The following COL5A2 variants were observed in gnomAD, a reference collection of about 807,000 sequenced individuals.
COL5A2 encodes collagen type V alpha 2 chain.
A neutral mutation model predicts 208.2 loss-of-function variants in COL5A2; 23 were observed. That is an observed-to-expected ratio of 0.11 (90% CI 0.08 to 0.16). The LOEUF is 0.16. Ranked by LOEUF, COL5A2 falls within the 10% of genes least tolerant of loss-of-function variation. The pLI is 1.00. For synonymous variants in COL5A2, 625 were observed against 628.5 expected, an observed-to-expected ratio of 0.99 and a Z score of 0.08; for missense variants, 1,590 against 1,956.4, an observed-to-expected ratio of 0.81 and a Z score of 3.53.
the COL5A2 span, among the ~76,000 whole-genome samples, chr2:189,304,992 C>T: frequency 6.6e-6 from 1 of 151,602 alleles, no homozygotes; most frequent in Non-Finnish European, 1.5e-5. Flanking sequence ...TTATGAGGCT[C>T]ATAAAAAAGA....
the COL5A2 span, among the ~76,000 whole-genome samples, chr2:189,304,664 T>C: frequency 9.2e-5 from 14 of 152,162 alleles, no homozygotes; most frequent in Non-Finnish European, 1.9e-4. Flanking sequence ...CTCAAATACC[T>C]TCCACTAGGC....
At chr2:189,086,801 A>G (rs769863272) in intron 8 of COL5A2, 31 bp from the exon 9 acceptor site, 1 of 1,553,306 alleles carries the variant, frequency 6.4e-7, no homozygotes, top group Non-Finnish European at 8.8e-7. Flanking sequence ...AACGTTGCAA[A>G]GTACTCATGA....
intron 1 of COL5A2, among the ~76,000 whole-genome samples, chr2:189,141,608 T>A (rs1033142727): frequency 6.6e-6 from 1 of 152,194 alleles, no homozygotes; most frequent in Admixed American, 6.6e-5. Context: ...GTCACATGGG[T>A]CACGTAGTTA....
chr2:189,405,000 A>G, the COL5A2 span, among the ~76,000 whole-genome samples: 1 of 152,160 alleles, frequency 6.6e-6, no homozygotes, highest in East Asian at 1.9e-4. Flanking sequence ...CATATGCCTC[A>G]ATTTCCTCAC....
intron 35 of COL5A2, among the ~76,000 whole-genome samples, chr2:189,055,077 G>A (rs946061052): frequency 6.6e-6 from 1 of 151,950 alleles, no homozygotes; most frequent in Non-Finnish European, 1.5e-5. Context: ...TAGTAGAGAC[G>A]GGGTTTCACC....
At chr2:189,110,151 C>T (rs1687230747) in intron 2 of COL5A2, 74 bp downstream of exon 2, 3 of 1,131,786 alleles carry the variant, frequency 2.7e-6, no homozygotes, top group Middle Eastern at 2.8e-4. Flanking sequence ...TTGCTGAATG[C>T]TGAAAGTGAA....
chr2:189,097,087 G>C (rs1686933925), intron 6 of COL5A2, among the ~76,000 whole-genome samples, 190 bp downstream of exon 6: 1 of 152,108 alleles, frequency 6.6e-6, no homozygotes, highest in Admixed American at 6.6e-5. Context: ...ATTTTGATTT[G>C]ACCTCATAAG....
rs1316675116 is a variant in COL5A2 at position 189,086,781 on chromosome 2, A to G, written c.646-11T>C. The G allele has an allele frequency of 1.3e-6, 2 of 1,575,170 alleles. No homozygotes were observed. Among genetic ancestry groups the G allele is most frequent in the East Asian group, 4.5e-5 (2 of 44,086 alleles). ...TGGGCCAACAGGACCCTTAAAAACA[A>G]ATGAGGAGAAACGTTGCAAAGTACT... On this transcript the variant is annotated splice_polypyrimidine_tract_variant and intron_variant, in intron 8 of 53. Transcript: ENST00000374866.
rs1384657905 is a variant in COL5A2, at chr2:189,054,154, C to T, written c.2445+5G>A. 1 of 1,613,630 alleles carries T rather than the reference C, an allele frequency of 6.2e-7. No individual in the cohort carries two copies. Among genetic ancestry groups the T allele is most frequent in the South Asian group, 1.1e-5 (1 of 91,078 alleles). On this transcript the variant is annotated splice_donor_5th_base_variant and intron_variant, in intron 36 of 53. Transcript: ENST00000374866. ...GAGTGTACAAATTAACAACTTGTGA[C>T]TTACCTTTTCTCCAGTAGGACCTGC... is the stretch of plus-strand genomic sequence containing the variant.
chr2:189,263,278 C>T, the COL5A2 span, among the ~76,000 whole-genome samples: 74 of 152,226 alleles, frequency 4.9e-4, no homozygotes, highest in African/African-American at 1.7e-3. Context: ...GATAGCTGGG[C>T]AACTTTAAAC....
chr2:189,132,757 C>A (rs569883523), intron 1 of COL5A2, among the ~76,000 whole-genome samples: 1 of 151,960 alleles, frequency 6.6e-6, no homozygotes, highest in African/African-American at 2.4e-5. Flanking sequence ...CCCGTCTCTA[C>A]TAAAAATACA....
upstream of COL5A2, among the ~76,000 whole-genome samples, chr2:189,227,199 GA>G (rs924564886): frequency 2.6e-5 from 4 of 151,890 alleles, no homozygotes. Flanking sequence ...CAAATGGGGG[GA>G]AAAATGGCCC....
At chr2:189,039,088 A>AT (rs1199272163) in intron 51 of COL5A2, among the ~76,000 whole-genome samples, 184 bp downstream of exon 51, 2 of 151,970 alleles carry the variant, frequency 1.3e-5, no homozygotes, top group African/African-American at 2.4e-5. Flanking sequence ...GATGCTGAGC[A>AT]TTTTTTTCAT....
In COL5A2 at chr2:189,068,060, T is replaced by G. The variant is rs1472864463; in HGVS notation, c.1356A>C (p.Pro452=). ...GAGGACCAGTGCTACCCTGAGGTCC[T>G]GGAGATCCAGGAGGCCCTGCTGAGC... The part of the protein sequence containing the change: ...PPGSAGPPGS[P]GPQGSTGPQG... Residue 452 remains proline (P), a synonymous_variant, in exon 21 of 54, where the codon CCA becomes CCC. Coordinates refer to ENST00000374866, the MANE Select transcript of COL5A2 (RefSeq NM_000393.5). The G allele has an allele frequency of 6.2e-7, 1 of 1,614,052 alleles. No homozygotes were observed. Among genetic ancestry groups the G allele is most frequent in the South Asian group, 1.1e-5 (1 of 91,078 alleles).
At chr2:189,363,985 T>A in the COL5A2 span, among the ~76,000 whole-genome samples, 1 of 152,224 alleles carries the variant, frequency 6.6e-6, no homozygotes, top group South Asian at 2.1e-4. Flanking sequence ...GGAAACAAGG[T>A]CTTAAATGTA....
chr2:189,210,329 G>A (rs1356807905), intron 1 of COL5A2, among the ~76,000 whole-genome samples: 1 of 151,430 alleles, frequency 6.6e-6, no homozygotes, highest in African/African-American at 2.4e-5. Context: ...CGCTTTGGCC[G>A]CAGAGACTGG....
chr2:189,343,897 A>G, the COL5A2 span, among the ~76,000 whole-genome samples: 1 of 152,214 alleles, frequency 6.6e-6, no homozygotes, highest in Admixed American at 6.5e-5. Flanking sequence ...CAAATATAAA[A>G]CGTAGACAAA....
the COL5A2 span, among the ~76,000 whole-genome samples, chr2:189,389,013 G>A: frequency 1.3e-5 from 2 of 152,112 alleles, no homozygotes; most frequent in Non-Finnish European, 2.9e-5. Flanking sequence ...ATCAAATATT[G>A]TAAATCAGGT....
chr2:189,336,050 T>C, the COL5A2 span, among the ~76,000 whole-genome samples: 2 of 151,614 alleles, frequency 1.3e-5, no homozygotes, highest in African/African-American at 2.4e-5. Context: ...AAATAAACAA[T>C]ACAAAGACAA....
Sources: allele counts gnomAD v4.1 joint callset (sites outside exome capture counted in the v4.1 genomes callset), GRCh38; gene constraint gnomAD v4.1.1; transcripts MANE v1.5; gene names NCBI Gene and HGNC (gene_info 2026-07-23, HGNC 2026-07-21).